Variants in UBE2D2 observed in about 807,000 individuals in gnomAD.
UBE2D2 encodes the protein ubiquitin conjugating enzyme E2 D2, also known as ubiquitin-conjugating enzyme E2 D2.
UBE2D2 carries 2 observed loss-of-function variants against 24.2 expected under a neutral mutation model. The ratio of observed to expected loss-of-function variants is 0.08; its 90% CI spans 0.03 to 0.26. UBE2D2 has a LOEUF of 0.26. Among genes scored for constraint, UBE2D2 ranks in the 10% least tolerant of loss-of-function variants. The pLI, the probability that UBE2D2 is intolerant of heterozygous loss-of-function variation, is 1.00. For synonymous variants in UBE2D2, 58 were observed against 56.5 expected, an observed-to-expected ratio of 1.03 and a Z score of -0.12; for missense variants, 44 against 177.6, an observed-to-expected ratio of 0.25 and a Z score of 4.28.
intron 1 of UBE2D2, among the ~76,000 whole-genome samples, chr5:139,596,140 C>T (rs1046772963): frequency 6.6e-6 from 1 of 151,916 alleles, no homozygotes; most frequent in Non-Finnish European, 1.5e-5. Flanking sequence ...GATCCGCCCA[C>T]CTCAGCCTCC....
chr5:139,568,298 C>G (rs1753283039), intron 1 of UBE2D2, among the ~76,000 whole-genome samples: 1 of 151,248 alleles, frequency 6.6e-6, no homozygotes, highest in African/African-American at 2.4e-5. Context: ...GAGCCAAGAT[C>G]TCGCCACTGC....
intron 1 of UBE2D2, among the ~76,000 whole-genome samples, chr5:139,576,679 T>A (rs558254512): frequency 6.6e-6 from 1 of 152,184 alleles, no homozygotes; most frequent in East Asian, 1.9e-4. Flanking sequence ...TAAATTCTTT[T>A]TATTACTGTA....
intron 1 of UBE2D2, among the ~76,000 whole-genome samples, chr5:139,542,280 G>A (rs1199923944): frequency 6.6e-6 from 1 of 152,126 alleles, no homozygotes; most frequent in Non-Finnish European, 1.5e-5. Context: ...AGGCTTACAG[G>A]CATGAGCCAC....
upstream of UBE2D2, among the ~76,000 whole-genome samples, chr5:139,526,250 T>C (rs1270198066): frequency 6.6e-6 from 1 of 152,170 alleles, no homozygotes; most frequent in Non-Finnish European, 1.5e-5. Context: ...GAGCTGGGAT[T>C]TTAAGGCAGT....
At chr5:139,615,656 C>T (rs1237200835) in intron 5 of UBE2D2, among the ~76,000 whole-genome samples, 2 of 151,962 alleles carry the variant, frequency 1.3e-5, no homozygotes, top group South Asian at 2.1e-4. Context: ...TAAACATAGA[C>T]GTTAGGTTCT....
chr5:139,594,916 C>T (rs1753928986), intron 1 of UBE2D2, among the ~76,000 whole-genome samples: 1 of 152,168 alleles, frequency 6.6e-6, no homozygotes. Flanking sequence ...ATAACCTGTA[C>T]ACATCTTCCT....
chr5:139,602,151 A>G (rs1368681077), intron 2 of UBE2D2, among the ~76,000 whole-genome samples: 1 of 151,980 alleles, frequency 6.6e-6, no homozygotes, highest in East Asian at 2.0e-4. Flanking sequence ...TCCTGGGTTC[A>G]TGCCATTCTC....
intron 1 of UBE2D2, among the ~76,000 whole-genome samples, chr5:139,573,426 T>C (rs1196968111): frequency 1.3e-5 from 2 of 152,192 alleles, no homozygotes; most frequent in Non-Finnish European, 2.9e-5. Context: ...GGTACTCCTT[T>C]AAATGTCTTA....
intron 2 of UBE2D2, among the ~76,000 whole-genome samples, chr5:139,602,680 AC>A (rs1418213500): frequency 6.6e-6 from 1 of 152,118 alleles, no homozygotes; most frequent in Non-Finnish European, 1.5e-5. Context: ...CTCTCTCAAA[AC>A]AAAAACAACA....
rs1353619224 is a variant in UBE2D2, at chr5:139,561,654, C to T, written c.-138C>T. On this transcript the variant is annotated 5_prime_UTR_variant, in exon 1 of 7. Transcript: ENST00000398733. ...GGGCCCCGGCCCTCAGCCCGTCCCG[C>T]CGGACCCGCTTTCCTCAACTCTCCA... The T allele has an allele frequency of 8.2e-6, 5 of 611,480 alleles. No individual in the cohort carries two copies. Among genetic ancestry groups the T allele is most frequent in the Middle Eastern group, 4.5e-4 (1 of 2,224 alleles). The allele number at this position is 611,480 out of a possible 1,614,324, so 37.9% of individuals were successfully genotyped here.
At chr5:139,532,501 G>A (rs1432946129) in intron 1 of UBE2D2, among the ~76,000 whole-genome samples, 3 of 151,922 alleles carry the variant, frequency 2.0e-5, no homozygotes, top group Non-Finnish European at 4.4e-5. Flanking sequence ...ACAGGTGCCC[G>A]ACATCACACC....
chr5:139,577,369 G>A (rs1753495873), intron 1 of UBE2D2, among the ~76,000 whole-genome samples: 1 of 145,536 alleles, frequency 6.9e-6, no homozygotes, highest in Admixed American at 6.9e-5. Context: ...GTTTTACAGA[G>A]TATAGTAGAA....
chr5:139,561,870 C>T (rs1442246451), intron 1 of UBE2D2, 55 bp downstream of exon 1: 7 of 1,429,946 alleles, frequency 4.9e-6, no homozygotes, highest in Middle Eastern at 1.9e-4. Flanking sequence ...CTGCGGCCTG[C>T]ACTTCCCGCC....
intron 1 of UBE2D2, among the ~76,000 whole-genome samples, chr5:139,595,179 T>C (rs1753934247): frequency 6.6e-6 from 1 of 152,210 alleles, no homozygotes; most frequent in Admixed American, 6.6e-5. Context: ...TGTATACGTT[T>C]AAAGCCAACT....
At chr5:139,556,598 C>A (rs971365753), upstream of UBE2D2, among the ~76,000 whole-genome samples, 2 of 151,996 alleles carry the variant, frequency 1.3e-5, no homozygotes, top group African/African-American at 4.8e-5. Context: ...ATAGAGAAGG[C>A]ACACATTACC....
intron 2 of UBE2D2, among the ~76,000 whole-genome samples, chr5:139,613,898 C>G (rs1289182803): frequency 6.6e-6 from 1 of 152,030 alleles, no homozygotes; most frequent in Non-Finnish European, 1.5e-5. Flanking sequence ...CTTGTCTCTA[C>G]TAAAAATACA....
chr5:139,570,207 G>A (rs1034316001), intron 1 of UBE2D2, among the ~76,000 whole-genome samples: 6 of 152,146 alleles, frequency 3.9e-5, no homozygotes, highest in Non-Finnish European at 8.8e-5. Flanking sequence ...AAAGGTTAAG[G>A]CTACGGTGAG....
At chr5:139,545,519 C>T (rs775108489) in intron 1 of UBE2D2, among the ~76,000 whole-genome samples, 6 of 151,614 alleles carry the variant, frequency 4.0e-5, no homozygotes, top group African/African-American at 7.3e-5. Flanking sequence ...TTCCGCCTCC[C>T]GGGTTCAAGT....
In UBE2D2 at chr5:139,561,738, T is replaced by A. The variant is rs1321026267; in HGVS notation, c.-54T>A. On this transcript the variant is annotated 5_prime_UTR_variant, in exon 1 of 7. Transcript: ENST00000398733. ...CTCAGGCTCCCTAGCCCCTTCCCCGTCCCTTCCCCGCCCCCGTCCCCGCCC... is the reference window on the plus strand; with the variant it reads ...CTCAGGCTCCCTAGCCCCTTCCCCGACCCTTCCCCGCCCCCGTCCCCGCCC... 1 of 1,302,706 alleles carries A rather than the reference T, an allele frequency of 7.7e-7. No individual in the cohort carries two copies. Among genetic ancestry groups the A allele is most frequent in the Non-Finnish European group, 1.0e-6 (1 of 974,522 alleles). The allele number at this position is 1,302,706 out of a possible 1,614,324, so 80.7% of individuals were successfully genotyped here. A position where few individuals can be genotyped will look rare whatever the true frequency, so the allele number is the denominator to read the frequency against.
Sources: allele counts gnomAD v4.1 joint callset (sites outside exome capture counted in the v4.1 genomes callset), GRCh38; gene constraint gnomAD v4.1.1; transcripts MANE v1.5; gene names NCBI Gene and HGNC (gene_info 2026-07-23, HGNC 2026-07-21).